The following ABCB1 variants were observed in gnomAD, a reference collection of about 807,000 sequenced individuals.
ABCB1 encodes the protein ATP-dependent translocase ABCB1.
Under a neutral mutation model 142.0 loss-of-function variants are expected in ABCB1, and 69 were observed. That is an observed-to-expected ratio of 0.49 (90% CI 0.40 to 0.59). The LOEUF (loss-of-function observed/expected upper bound fraction) is 0.59, where lower values mean the gene tolerates loss of function less well. Ranked by LOEUF, ABCB1 falls within the 20% of genes least tolerant of loss-of-function variation. ABCB1 has a pLI of 0.00. For missense variants in ABCB1, 1,326 were observed against 1,554.7 expected (o/e 0.85, Z 2.47); for synonymous variants, 532 against 539.2 (o/e 0.99, Z 0.18).
intron 20 of ABCB1, among the ~76,000 whole-genome samples, chr7:87,534,352 A>G (rs1385057829): frequency 6.6e-6 from 1 of 152,184 alleles, no homozygotes; most frequent in African/African-American, 2.4e-5. Flanking sequence ...TTTATTCCAA[A>G]GACTAATGCT....
Position 87,687,752 on chromosome 7 carries a change from T to G in ABCB1, c.-331+25409A>C, listed in dbSNP as rs549115771. On this transcript the variant is annotated intron_variant, in intron 1 of 28. Coordinates refer to the ABCB1 transcript ENST00000265724. Reference sequence around the variant, plus strand: ...CATTTTAGAATTTCTCTAATCCAATTGAACTGTTATGATACCTAAGCATTG... The same window carrying G: ...CATTTTAGAATTTCTCTAATCCAATGGAACTGTTATGATACCTAAGCATTG... 3.9e-5 allele frequency among the ~76,000 whole-genome samples: 6 copies of G among 152,294 alleles called. No individual in the cohort carries two copies. In the South Asian group the frequency reaches 1.2e-3, roughly 32 times the overall value.
At chr7:87,585,466 T>G in intron 4 of ABCB1, 46 bp downstream of exon 4, 1 of 1,601,254 alleles carries the variant, frequency 6.2e-7, no homozygotes, top group South Asian at 1.1e-5. Context: ...AAGTGCTTGT[T>G]TTTGCTGCAA....
intron 1 of ABCB1, among the ~76,000 whole-genome samples, chr7:87,684,934 T>A (rs1347289645): frequency 6.6e-6 from 1 of 151,212 alleles, no homozygotes; most frequent in East Asian, 1.9e-4. Flanking sequence ...ACCTTGTTCC[T>A]TACCTCACAT....
intron 1 of ABCB1, chr7:87,693,802 A>G: frequency 2.8e-6 from 3 of 1,057,144 alleles, no homozygotes; most frequent in Non-Finnish European, 4.2e-6. Context: ...TACTGCTTCA[A>G]AATTATATGT....
chr7:87,626,961 A>C (rs1820699089), intron 1 of ABCB1, among the ~76,000 whole-genome samples: 1 of 152,006 alleles, frequency 6.6e-6, no homozygotes, highest in Non-Finnish European at 1.5e-5. Flanking sequence ...TTTTTAGTAG[A>C]GATGGGGTTT....
chr7:87,643,982 C>T (rs1822720991), intron 1 of ABCB1, among the ~76,000 whole-genome samples: 1 of 152,222 alleles, frequency 6.6e-6, no homozygotes, highest in African/African-American at 2.4e-5. Flanking sequence ...CCTCAGCCTC[C>T]TGAGTAGCTG....
intron 1 of ABCB1, chr7:87,628,851 A>G: frequency 2.4e-6 from 3 of 1,271,638 alleles, no homozygotes; most frequent in Non-Finnish European, 3.0e-6. Context: ...GGGGGGCCTG[A>G]GCGGGATCCG....
At chr7:87,677,759 A>G (rs1210826860) in intron 1 of ABCB1, among the ~76,000 whole-genome samples, 1 of 152,216 alleles carries the variant, frequency 6.6e-6, no homozygotes, top group African/African-American at 2.4e-5. Context: ...CAAACTTCTA[A>G]ACATAGAAGA....
intron 21 of ABCB1, among the ~76,000 whole-genome samples, chr7:87,529,596 T>C (rs28401773): frequency 0.027 from 4,074 of 152,302 alleles, 192 homozygotes; most frequent in African/African-American, 0.092. Context: ...ACTTCAAAGG[T>C]GCTAACCTGT....
chr7:87,703,901 T>G (rs2130711469), intron 1 of ABCB1, among the ~76,000 whole-genome samples: 1 of 113,328 alleles, frequency 8.8e-6, no homozygotes, highest in Non-Finnish European at 1.9e-5. Flanking sequence ...TTTTTTTTTT[T>G]TTTTTTTTTT....
intron 1 of ABCB1, among the ~76,000 whole-genome samples, chr7:87,672,629 T>C (rs1337756145): frequency 1.3e-5 from 2 of 152,210 alleles, no homozygotes; most frequent in Non-Finnish European, 2.9e-5. Flanking sequence ...AGGGTTTCCA[T>C]GCATGTCTGA....
intron 3 of ABCB1, among the ~76,000 whole-genome samples, chr7:87,592,752 T>A (rs1819045033): frequency 6.6e-6 from 1 of 152,156 alleles, no homozygotes; most frequent in African/African-American, 2.4e-5. Context: ...TGTCCCTATA[T>A]GAAGATTATG....
intron 14 of ABCB1, among the ~76,000 whole-genome samples, chr7:87,547,523 T>C (rs1351339155): frequency 3.4e-5 from 5 of 147,414 alleles, no homozygotes; most frequent in African/African-American, 1.0e-4. Context: ...AGCCCAGGAG[T>C]CTGAGACCAG....
chr7:87,610,169 G>C (rs543395476), intron 1 of ABCB1, among the ~76,000 whole-genome samples: 2 of 147,896 alleles, frequency 1.4e-5, no homozygotes, highest in Non-Finnish European at 3.0e-5. Flanking sequence ...TTGTAGTTGT[G>C]TTTCTTCTAA....
chr7:87,702,322 A>G (rs570020695), intron 1 of ABCB1, among the ~76,000 whole-genome samples: 7 of 151,766 alleles, frequency 4.6e-5, no homozygotes, highest in African/African-American at 1.7e-4. Context: ...TCTGTTGCCC[A>G]GGTTGGAGTA....
intron 8 of ABCB1, among the ~76,000 whole-genome samples, chr7:87,554,524 T>C (rs1817232083): frequency 6.6e-6 from 1 of 152,214 alleles, no homozygotes; most frequent in South Asian, 2.1e-4. Flanking sequence ...GCTGTACAAT[T>C]TATCTTACTT....
At chr7:87,534,933 A>C (rs923918180) in intron 20 of ABCB1, among the ~76,000 whole-genome samples, 2 of 141,450 alleles carry the variant, frequency 1.4e-5, no homozygotes, top group Non-Finnish European at 3.2e-5. Flanking sequence ...AAAAAAAAAA[A>C]AAAAAAACTC....
intron 17 of ABCB1, among the ~76,000 whole-genome samples, chr7:87,542,808 T>C (rs1816599488): frequency 6.6e-6 from 1 of 152,184 alleles, no homozygotes; most frequent in South Asian, 2.1e-4. Context: ...TGTTCATTCA[T>C]TTCCACATTG....
intron 1 of ABCB1, among the ~76,000 whole-genome samples, chr7:87,622,055 T>C (rs1434998652): frequency 6.6e-6 from 1 of 152,092 alleles, no homozygotes; most frequent in East Asian, 1.9e-4. Flanking sequence ...GTATATAATC[T>C]TGGAGGTGGC....
Sources: gnomAD v4.1 joint callset for allele counts (sites outside exome capture counted in the v4.1 genomes callset) on GRCh38, gnomAD v4.1.1 for gene constraint, MANE v1.5 for transcripts, NCBI Gene and HGNC (gene_info 2026-07-23, HGNC 2026-07-21) for gene names.